PLEKHA5: variants seen among roughly 807,000 people sequenced by gnomAD.
The protein encoded by PLEKHA5 is pleckstrin homology domain containing A5, also known as pleckstrin homology domain-containing family A member 5.
In PLEKHA5, 55 loss-of-function variants were observed where a neutral mutation model predicts 181.9. The ratio of observed to expected loss-of-function variants is 0.30; its 90% CI spans 0.24 to 0.38. The LOEUF (loss-of-function observed/expected upper bound fraction) is 0.38. PLEKHA5 is among the 10% of genes least tolerant of loss of function. The pLI, the probability that PLEKHA5 is intolerant of heterozygous loss-of-function variation, is 1.00. For missense variants in PLEKHA5, 1,432 were observed against 1,549.5 expected, an observed-to-expected ratio of 0.92 and a Z score of 1.27; for synonymous variants, 535 against 529.4, an observed-to-expected ratio of 1.01 and a Z score of -0.15.
At chr12:19,344,147 C>A (rs992598457) in intron 22 of PLEKHA5, among the ~76,000 whole-genome samples, 5 of 151,904 alleles carry the variant, frequency 3.3e-5, no homozygotes, top group Admixed American at 3.3e-4. Flanking sequence ...GTATGTGGCA[C>A]ATGACTGAAT....
intron 3 of PLEKHA5, among the ~76,000 whole-genome samples, chr12:19,161,274 G>A (rs1189439048): frequency 6.6e-6 from 1 of 151,954 alleles, no homozygotes; most frequent in African/African-American, 2.4e-5. Flanking sequence ...GCCCTCACTT[G>A]TGCTCCCAAG....
rs565186431 is a variant in PLEKHA5 at position 19,270,953 on chromosome 12, G to A, written c.845+748G>A. Among the ~76,000 whole-genome samples the A allele has an allele frequency of 6.6e-5, 10 of 152,064 alleles. No individual in the cohort carries two copies. The South Asian group carries it at 2.1e-3, about 32-fold the overall frequency. On this transcript the variant is annotated intron_variant, in intron 10 of 31. Coordinates refer to ENST00000429027, the MANE Select transcript of PLEKHA5 (RefSeq NM_001256470.2). ...GATGCTGTGTATTTGTGCTATTTTTGTAAATATCAAGTCTAAATCAAGTTA... is the reference window on the plus strand; with the variant it reads ...GATGCTGTGTATTTGTGCTATTTTTATAAATATCAAGTCTAAATCAAGTTA...
chr12:19,210,095 T>C (rs1421792655), intron 3 of PLEKHA5, among the ~76,000 whole-genome samples: 1 of 152,188 alleles, frequency 6.6e-6, no homozygotes, highest in Non-Finnish European at 1.5e-5. Flanking sequence ...AAAGACTACA[T>C]TGACATGGTT....
At position 19,225,951 on chromosome 12, in the gene PLEKHA5, A is replaced by C. The variant is rs371668127; in HGVS notation, c.228-27989A>C. Among the ~76,000 whole-genome samples, 79 of 152,356 alleles carry C rather than the reference A, an allele frequency of 5.2e-4. No individual in the cohort carries two copies. The South Asian group carries it at 0.013, about 26-fold the overall frequency. The stretch of plus-strand genomic sequence containing the variant: ...ACTAACTAGAACTGATTAAATTCCA[A>C]TGCACATCTTCCTTCAGATCTTTAC... On this transcript the variant is annotated intron_variant, in intron 3 of 31. Transcript: ENST00000429027.
At chr12:19,137,537 AAGGAGTTT>A (rs2036014095) in intron 3 of PLEKHA5, among the ~76,000 whole-genome samples, 3 of 152,220 alleles carry the variant, frequency 2.0e-5, no homozygotes, top group African/African-American at 7.2e-5. Flanking sequence ...CTCAGCTTTC[AAGGAGTTT>A]GTAGTGTAGA....
intron 15 of PLEKHA5, among the ~76,000 whole-genome samples, chr12:19,310,431 G>T (rs2086039426): frequency 1.3e-5 from 2 of 151,308 alleles, no homozygotes; most frequent in African/African-American, 4.9e-5. Flanking sequence ...CCAACATGGT[G>T]AAACCCCGTC....
chr12:19,151,212 T>G (rs973635983), intron 3 of PLEKHA5: 1 of 152,160 alleles, frequency 6.6e-6, no homozygotes, highest in African/African-American at 2.4e-5. Flanking sequence ...GGTACTGAGG[T>G]AATGCTTTGA....
intron 5 of PLEKHA5, 87 bp from the exon 6 acceptor site, chr12:19,257,346 G>T: frequency 1.5e-6 from 1 of 650,906 alleles, no homozygotes; most frequent in Non-Finnish European, 2.7e-6. Context: ...GGGAAAATCT[G>T]AAAAGAGATT....
intron 3 of PLEKHA5, chr12:19,152,324 A>G (rs912761428): frequency 1.3e-5 from 2 of 152,236 alleles, no homozygotes; most frequent in Non-Finnish European, 2.9e-5. Context: ...CAAAGTAAGC[A>G]GGACAACAGT....
intron 3 of PLEKHA5, among the ~76,000 whole-genome samples, chr12:19,147,716 ATAAT>A (rs1338353405): frequency 6.6e-6 from 1 of 151,610 alleles, no homozygotes; most frequent in Admixed American, 6.6e-5. Context: ...TTGCAACTGT[ATAAT>A]TAAACAGGTT....
At chr12:19,308,504 A>C (rs1412702329) in intron 15 of PLEKHA5, among the ~76,000 whole-genome samples, 1 of 152,146 alleles carries the variant, frequency 6.6e-6, no homozygotes, top group African/African-American at 2.4e-5. Flanking sequence ...CAAAAATGAA[A>C]AGCTATATAC....
chr12:19,300,859 G>A (rs1282011289), intron 15 of PLEKHA5, among the ~76,000 whole-genome samples: 2 of 151,854 alleles, frequency 1.3e-5, no homozygotes, highest in African/African-American at 4.8e-5. Context: ...ATTTGGACGG[G>A]TGCGGTGGCT....
intron 3 of PLEKHA5, among the ~76,000 whole-genome samples, chr12:19,203,853 T>TC (rs397782134): frequency 2.0e-5 from 3 of 151,610 alleles, no homozygotes; most frequent in Admixed American, 6.6e-5. Flanking sequence ...TTAGATTTTT[T>TC]ATTTGTTTCT....
chr12:19,267,444 G>A (rs2070855240), intron 8 of PLEKHA5, among the ~76,000 whole-genome samples: 1 of 151,836 alleles, frequency 6.6e-6, no homozygotes, highest in African/African-American at 2.4e-5. Flanking sequence ...AGGATCAACT[G>A]AGGTCAGGAG....
Position 19,133,587 on chromosome 12 carries a change from T to C in PLEKHA5, c.227+1137T>C, listed in dbSNP as rs1219060750. ...TGACATTTTTAAGATCATGTTATAC[T>C]TCCAGTAAATTATAATTACCTGTAT... On this transcript the variant is annotated intron_variant, in intron 3 of 31. Transcript: ENST00000429027. Among the ~76,000 whole-genome samples, 3 of 152,124 alleles carry C rather than the reference T, an allele frequency of 2.0e-5. No homozygotes were observed. The East Asian group carries it at 5.8e-4, about 29-fold the overall frequency.
At chr12:19,332,856 A>G (rs1245200342) in intron 20 of PLEKHA5, among the ~76,000 whole-genome samples, 2 of 152,118 alleles carry the variant, frequency 1.3e-5, no homozygotes, top group African/African-American at 2.4e-5. Flanking sequence ...GGATTTCACC[A>G]TGTTGCCCAG....
At chr12:19,343,929 G>A (rs1043686222) in intron 22 of PLEKHA5, among the ~76,000 whole-genome samples, 1 of 151,982 alleles carries the variant, frequency 6.6e-6, no homozygotes, top group Non-Finnish European at 1.5e-5. Context: ...GCGCATGCCT[G>A]TAGTCCCAAA....
intron 20 of PLEKHA5, 78 bp downstream of exon 20, chr12:19,322,745 G>A: frequency 1.1e-6 from 1 of 934,854 alleles, no homozygotes. Context: ...TTTTAATACT[G>A]GGCTCTCTTT....
At chr12:19,191,446 G>A (rs920414221) in intron 3 of PLEKHA5, among the ~76,000 whole-genome samples, 1 of 152,160 alleles carries the variant, frequency 6.6e-6, no homozygotes, top group Non-Finnish European at 1.5e-5. Context: ...TCACTACCAT[G>A]CGGCCTAATT....
Sources: allele counts gnomAD v4.1 joint callset (sites outside exome capture counted in the v4.1 genomes callset), GRCh38; gene constraint gnomAD v4.1.1; transcripts MANE v1.5; gene names NCBI Gene and HGNC (gene_info 2026-07-23, HGNC 2026-07-21).